Variants in PRKN observed in about 807,000 individuals in gnomAD.
The protein encoded by PRKN is parkin RBR E3 ubiquitin protein ligase.
Under a neutral mutation model 59.5 loss-of-function variants are expected in PRKN, and 56 were observed. The observed-to-expected ratio is 0.94, with a 90% confidence interval of 0.76 to 1.18. PRKN has a LOEUF of 1.18. PRKN is among the 50% of genes most tolerant of loss of function. PRKN has a pLI of 0.00. For synonymous variants in PRKN, 250 were observed against 222.1 expected (o/e 1.13, Z -1.12); for missense variants, 657 against 596.4 (o/e 1.10, Z -1.06).
chr6:161,562,705 G>C lies in PRKN; in HGVS notation c.933+6650C>G, dbSNP rs1048712868. On this transcript the variant is annotated intron_variant, in intron 8 of 11. Transcript: ENST00000366898. The surrounding 1 kb of genome is among the most constrained non-coding windows in gnomAD (Gnocchi z 4.3). The stretch of plus-strand genomic sequence containing the variant: ...CCATTTTGCTCATCTCAGTCAAATA[G>C]AACTTTCAAACTCCTTCCTTTCCCT... 4.6e-5 allele frequency among the ~76,000 whole-genome samples: 7 copies of C among 152,132 alleles called. No homozygotes were observed. The highest frequency in any genetic ancestry group is 7.3e-5 in the Non-Finnish European group (5 of 68,028).
chr6:161,782,229 T>C (rs974836589), intron 7 of PRKN, among the ~76,000 whole-genome samples: 3 of 152,212 alleles, frequency 2.0e-5, no homozygotes, highest in African/African-American at 7.2e-5. Flanking sequence ...TATATTTTTA[T>C]ATGTAAGAAA....
intron 6 of PRKN, among the ~76,000 whole-genome samples, chr6:161,845,640 G>T (rs982205879): frequency 1.3e-5 from 2 of 152,152 alleles, no homozygotes; most frequent in African/African-American, 4.8e-5. Context: ...GATTAAAGTG[G>T]TAGCTTAGTT....
At chr6:162,602,515 A>G (rs1781751961) in intron 1 of PRKN, among the ~76,000 whole-genome samples, 1 of 152,176 alleles carries the variant, frequency 6.6e-6, no homozygotes, top group South Asian at 2.1e-4. Flanking sequence ...GGGCAGCCCA[A>G]ATGTGTGATT....
intron 6 of PRKN, among the ~76,000 whole-genome samples, chr6:161,901,874 AGCTGCGAGTGCTTCAGCTTGG>A (rs1190360870): frequency 6.6e-6 from 1 of 152,198 alleles, no homozygotes; most frequent in East Asian, 1.9e-4. Context: ...CTGCTGCTGC[AGCTGCGAGTGCTTCAGCTTGG>A]GCTGCGAGGT....
At chr6:162,200,243 C>T (rs1784668532) in intron 4 of PRKN, among the ~76,000 whole-genome samples, 1 of 152,132 alleles carries the variant, frequency 6.6e-6, no homozygotes, top group South Asian at 2.1e-4. Flanking sequence ...CCTGCATGCC[C>T]TCTATTGCAA....
At chr6:161,690,299 A>G (rs1000415465) in intron 7 of PRKN, among the ~76,000 whole-genome samples, 3 of 152,070 alleles carry the variant, frequency 2.0e-5, no homozygotes, top group Non-Finnish European at 2.9e-5. Context: ...GGCCATTGAG[A>G]GTTTGGTGTG....
intron 1 of PRKN, among the ~76,000 whole-genome samples, chr6:162,472,804 T>TTATATATATATATATATATA (rs1290741228): frequency 2.6e-4 from 24 of 93,854 alleles, no homozygotes; most frequent in East Asian, 1.4e-3. Context: ...AACTTTTATT[T>TTATATATATATATATATATA]TATATATATA....
intron 6 of PRKN, among the ~76,000 whole-genome samples, chr6:161,814,908 C>T (rs1250911098): frequency 6.6e-6 from 1 of 152,194 alleles, no homozygotes; most frequent in Non-Finnish European, 1.5e-5. Context: ...CCCACAGGGT[C>T]CCTCCCATGA....
chr6:162,722,836 T>C (rs551147774), intron 1 of PRKN, among the ~76,000 whole-genome samples: 1 of 152,152 alleles, frequency 6.6e-6, no homozygotes, highest in East Asian at 1.9e-4. Flanking sequence ...AGGGCCAAAA[T>C]TGTAAAGGGC....
intron 4 of PRKN, among the ~76,000 whole-genome samples, chr6:162,172,522 C>T (rs1169941813): frequency 6.6e-6 from 1 of 152,164 alleles, no homozygotes; most frequent in African/African-American, 2.4e-5. Context: ...CTGTTAAATG[C>T]CCTTCAACAC....
chr6:162,255,582 G>A (rs1466797803), intron 3 of PRKN, among the ~76,000 whole-genome samples: 1 of 152,116 alleles, frequency 6.6e-6, no homozygotes, highest in Non-Finnish European at 1.5e-5. Flanking sequence ...TGCTGCTGCT[G>A]GCCCACAGAT....
rs1372944687 is a variant in PRKN, at chr6:161,372,581, T to A, written c.1168-12376A>T. On this transcript the variant is annotated intron_variant, in intron 10 of 11. Transcript: ENST00000366898. The surrounding 1 kb of genome is among the most constrained non-coding windows in gnomAD (Gnocchi z 4.2). ...TGACAAATAGCAAGCCAACAATCCC[T>A]GCCTTGTGGAGCTTCCCCATTAGCA... is the stretch of plus-strand genomic sequence containing the variant. Among the ~76,000 whole-genome samples, 1 of 152,206 alleles carries A rather than the reference T, an allele frequency of 6.6e-6. No individual in the cohort carries two copies. Among genetic ancestry groups the A allele is most frequent in the Non-Finnish European group, 1.5e-5 (1 of 68,032 alleles).
At chr6:161,656,786 A>T (rs998145437) in intron 7 of PRKN, among the ~76,000 whole-genome samples, 1 of 152,160 alleles carries the variant, frequency 6.6e-6, no homozygotes, top group Non-Finnish European at 1.5e-5. Context: ...ACTCACCAGC[A>T]TCTAAAATTA....
intron 7 of PRKN, among the ~76,000 whole-genome samples, chr6:161,645,928 T>G (rs1030226267): frequency 6.7e-5 from 10 of 150,066 alleles, no homozygotes; most frequent in African/African-American, 2.4e-4. Context: ...CAGTGGTGAC[T>G]GCGTGTGCAT....
intron 1 of PRKN, among the ~76,000 whole-genome samples, chr6:162,616,553 C>A (rs1288586257): frequency 6.6e-6 from 1 of 152,144 alleles, no homozygotes; most frequent in African/African-American, 2.4e-5. Flanking sequence ...ATATAACTCA[C>A]TACACAGTTT....
At chr6:162,158,046 G>C (rs911374649) in intron 4 of PRKN, among the ~76,000 whole-genome samples, 3 of 151,962 alleles carry the variant, frequency 2.0e-5, no homozygotes, top group African/African-American at 7.3e-5. Context: ...CTATCAGAAG[G>C]TAACTCATGA....
At chr6:161,681,838 C>G (rs1476767426) in intron 7 of PRKN, among the ~76,000 whole-genome samples, 1 of 152,216 alleles carries the variant, frequency 6.6e-6, no homozygotes, top group Admixed American at 6.5e-5. Context: ...CTGTGTTCAC[C>G]TGAAGTTCTC....
chr6:161,685,768 G>A (rs1785529493), intron 7 of PRKN, among the ~76,000 whole-genome samples: 2 of 152,114 alleles, frequency 1.3e-5, no homozygotes, highest in African/African-American at 2.4e-5. Flanking sequence ...GGTATATGGG[G>A]TATCTCTGTA....
chr6:162,226,099 A>AT lies in PRKN; in HGVS notation c.413-24848_413-24847insA, dbSNP rs201926616. Among the ~76,000 whole-genome samples, 3 of 147,424 alleles carry AT rather than the reference A, an allele frequency of 2.0e-5. No homozygotes were observed. The East Asian group carries it at 6.0e-4, about 29-fold the overall frequency. ...AATAATAATAATAATAATAATAATA[A>AT]AATTAGATCAAACTGGGCAGGTTAG... On this transcript the variant is annotated intron_variant, in intron 3 of 11. Coordinates refer to ENST00000366898, the MANE Select transcript of PRKN (RefSeq NM_004562.3).
Sources: allele counts gnomAD v4.1 joint callset (sites outside exome capture counted in the v4.1 genomes callset), GRCh38; gene constraint gnomAD v4.1.1; non-coding constraint Gnocchi (gnomAD v3.1); transcripts MANE v1.5; gene names NCBI Gene and HGNC (gene_info 2026-07-23, HGNC 2026-07-21).